HAUS6: variants seen among roughly 807,000 people sequenced by gnomAD.
The protein encoded by HAUS6 is HAUS augmin like complex subunit 6.
A neutral mutation model predicts 106.8 loss-of-function variants in HAUS6; 80 were observed. The observed-to-expected ratio is 0.75, with a 90% CI of 0.63 to 0.90. HAUS6 has a LOEUF of 0.90. Among genes scored for constraint, HAUS6 ranks in the 40% least tolerant of loss-of-function variants. HAUS6 has a pLI of 0.00. For missense variants in HAUS6, 1,155 were observed against 1,118.1 expected (o/e 1.03, Z -0.47); for synonymous variants, 356 against 379.1 (o/e 0.94, Z 0.71).
intron 1 of HAUS6, among the ~76,000 whole-genome samples, chr9:19,100,523 C>T (rs1031949609): frequency 6.6e-6 from 1 of 152,244 alleles, no homozygotes; most frequent in South Asian, 2.1e-4. Context: ...AAACCATAGG[C>T]TCCTTAAAAA....
intron 12 of HAUS6, among the ~76,000 whole-genome samples, chr9:19,065,784 T>C (rs901839974): frequency 1.3e-5 from 2 of 152,000 alleles, no homozygotes; most frequent in Non-Finnish European, 2.9e-5. Flanking sequence ...GCAGTTGCAG[T>C]GAGCCGAGAT....
intron 5 of HAUS6, among the ~76,000 whole-genome samples, chr9:19,088,222 T>C (rs1181888255): frequency 2.0e-5 from 3 of 147,776 alleles, no homozygotes; most frequent in Non-Finnish European, 4.5e-5. Context: ...CGAGACCAGC[T>C]TGGCCAACAT....
rs1362664461 is a variant in HAUS6, at chr9:19,055,603, T to G, written c.*740A>C. The G allele has an allele frequency of 6.6e-6, 1 of 152,246 alleles. No individual in the cohort carries two copies. The highest frequency in any genetic ancestry group is 2.4e-5 in the African/African-American group (1 of 41,470). 9.4% of individuals were successfully genotyped at this position (152,246 alleles called of 1,614,324 possible). On this transcript the variant is annotated 3_prime_UTR_variant, in exon 17 of 17. Coordinates refer to ENST00000380502, the MANE Select transcript of HAUS6 (RefSeq NM_017645.5). ...AGCATTAAATTATCAAAGTCTAAATTAGACTAAATATAAATGTTATACAAC... is the reference window on the plus strand; with the variant it reads ...AGCATTAAATTATCAAAGTCTAAATGAGACTAAATATAAATGTTATACAAC...
At chr9:19,072,970 C>G (rs554597418) in intron 11 of HAUS6, among the ~76,000 whole-genome samples, 9 of 151,678 alleles carry the variant, frequency 5.9e-5, no homozygotes, top group Admixed American at 1.3e-4. Context: ...TAACAAAGAA[C>G]CTTTTGGAAG....
intron 5 of HAUS6, among the ~76,000 whole-genome samples, chr9:19,087,948 T>C (rs1429243640): frequency 6.6e-6 from 1 of 150,864 alleles, no homozygotes; most frequent in East Asian, 2.0e-4. Context: ...TTCTGTAATA[T>C]CAATGCCTAA....
intron 7 of HAUS6, among the ~76,000 whole-genome samples, chr9:19,084,516 A>G (rs760652101): frequency 8.5e-5 from 13 of 152,244 alleles, no homozygotes; most frequent in Non-Finnish European, 1.8e-4. Flanking sequence ...TATGTTATGC[A>G]TTAACAGAAT....
chr9:19,063,522 G>C lies in HAUS6; in HGVS notation c.1435C>G (p.Leu479Val). The C allele has an allele frequency of 6.5e-7, 1 of 1,548,104 alleles. No homozygotes were observed. Among genetic ancestry groups the C allele is most frequent in the Non-Finnish European group, 8.9e-7 (1 of 1,120,722 alleles). The change falls in exon 13 of 17, where the codon CTT becomes GTT. Residue 479 changes from leucine (L) to valine (V), a missense_variant. Physicochemically the swap from Leu to Val is conservative, Grantham distance 32 (BLOSUM62 1). Around this residue, in one of 3 missense-constraint regions of HAUS6, gnomAD observed 761 missense variants for 690.0 expected, o/e 1.10. Transcript: ENST00000380502. ...CTTATTTTAAAATATACCTTTTCAA[G>C]TACTGTAACACTGTTTCTATCTGAT... is the stretch of plus-strand genomic sequence containing the variant. ...SSSDRNSVTV[L>V]EKDTKMGTPK... is the part of the protein sequence containing the mutation.
chr9:19,102,679 G>A lies in HAUS6; in HGVS notation c.-28C>T. On this transcript the variant is annotated 5_prime_UTR_variant, in exon 1 of 17. Coordinates refer to ENST00000380502, the MANE Select transcript of HAUS6 (RefSeq NM_017645.5). ...TCGCGGTAGGCACGGTGGCTGCAAA[G>A]AAAGAAAGCGCAAGCCCAGGGGACT... 1 of 1,604,258 alleles carries A rather than the reference G, an allele frequency of 6.2e-7. No homozygotes were observed. The highest frequency in any genetic ancestry group is 1.7e-5 in the Admixed American group (1 of 58,996).
chr9:19,063,105 T>C lies in HAUS6; in HGVS notation c.1532A>G (p.Asp511Gly), dbSNP rs1385619384. ...ACTACTCTCTGTATTCTTTGCAACA[T>C]CTGATAATGGAGAATTTTCCACTTC... ...EFEVENSPLS[D>G]VAKNTESSAF... Residue 511 changes from aspartate to glycine, a missense_variant, in exon 14 of 17, where the codon GAT (aspartate) becomes GGT (glycine). By Grantham distance (94) the Asp-to-Gly change is moderately conservative. Around this residue, in one of 3 missense-constraint regions of HAUS6, gnomAD observed 761 missense variants for 690.0 expected, o/e 1.10. Coordinates refer to ENST00000380502, the MANE Select transcript of HAUS6 (RefSeq NM_017645.5). 9 of 1,605,288 alleles carry C rather than the reference T, an allele frequency of 5.6e-6. No homozygotes were observed. Among genetic ancestry groups the C allele is most frequent in the Middle Eastern group, 1.8e-4 (1 of 5,560 alleles).
At chr9:19,092,670 T>C (rs1817778624) in intron 4 of HAUS6, among the ~76,000 whole-genome samples, 1 of 127,150 alleles carries the variant, frequency 7.9e-6, no homozygotes, top group African/African-American at 2.9e-5. Flanking sequence ...ATACCTGTAA[T>C]CCCAACACTT....
At chr9:19,066,394 G>C (rs1203910764) in intron 12 of HAUS6, among the ~76,000 whole-genome samples, 1 of 152,076 alleles carries the variant, frequency 6.6e-6, no homozygotes, top group Non-Finnish European at 1.5e-5. Context: ...AATAAAAATA[G>C]AAACTATAAA....
chr9:19,067,556 G>A (rs1369239561), intron 12 of HAUS6, among the ~76,000 whole-genome samples: 1 of 152,134 alleles, frequency 6.6e-6, no homozygotes, highest in Non-Finnish European at 1.5e-5. Flanking sequence ...GACAGATGTG[G>A]AAATCAAAGT....
At chr9:19,100,918 T>C (rs1270262306) in intron 1 of HAUS6, among the ~76,000 whole-genome samples, 1 of 152,104 alleles carries the variant, frequency 6.6e-6, no homozygotes, top group South Asian at 2.1e-4. Flanking sequence ...GAATGGTGGT[T>C]AACACAGTCT....
At chr9:19,068,038 T>A (rs990121993) in intron 12 of HAUS6, among the ~76,000 whole-genome samples, 8 of 151,762 alleles carry the variant, frequency 5.3e-5, no homozygotes, top group Non-Finnish European at 1.2e-4. Context: ...GGTTCATGAA[T>A]AAAATCTGCT....
Position 19,068,596 on chromosome 9 carries a change from G to A in HAUS6, c.1376+1623C>T, listed in dbSNP as rs1284364016. On this transcript the variant is annotated intron_variant, in intron 12 of 16. Transcript: ENST00000380502. ...ACTAAGATGGCATAGAATGATGAGT[G>A]CTTCATTTAAAATTTAGGATTTTCC... is the stretch of plus-strand genomic sequence containing the variant. 2.6e-5 allele frequency among the ~76,000 whole-genome samples: 4 copies of A among 152,010 alleles called. No homozygotes were observed. In the East Asian group the frequency reaches 7.7e-4, roughly 29 times the overall value.
rs1427260349 is a variant in HAUS6 at position 19,078,309 on chromosome 9, T to C, written c.1065-7A>G. The C allele has an allele frequency of 2.1e-6, 3 of 1,408,436 alleles. No individual in the cohort carries two copies. The highest frequency in any genetic ancestry group is 3.0e-6 in the Non-Finnish European group (3 of 1,012,662). The allele number at this position is 1,408,436 out of a possible 1,614,324, so 87.2% of individuals were successfully genotyped here. A position where few individuals can be genotyped will look rare whatever the true frequency, so the allele number is the denominator to read the frequency against. The stretch of plus-strand genomic sequence containing the variant: ...ATCATCTTTTATTCTATACCTATAA[T>C]AGCATAAAAAAACTTTATTCAAAAG... On this transcript the variant is annotated splice_polypyrimidine_tract_variant and splice_region_variant and intron_variant, in intron 9 of 16. Coordinates refer to ENST00000380502, the MANE Select transcript of HAUS6 (RefSeq NM_017645.5).
Position 19,056,245 on chromosome 9 carries a change from G to A in HAUS6, c.*98C>T. The A allele has an allele frequency of 1.4e-6, 1 of 699,250 alleles. No individual in the cohort carries two copies. The highest frequency in any genetic ancestry group is 2.6e-6 in the Non-Finnish European group (1 of 389,702). 43.3% of individuals were successfully genotyped at this position (699,250 alleles called of 1,614,324 possible). A position where few individuals can be genotyped will look rare whatever the true frequency, so the allele number is the denominator to read the frequency against. On this transcript the variant is annotated 3_prime_UTR_variant, in exon 17 of 17. Transcript: ENST00000380502. ...ATTTTTTTAAACCTTGAAAAACAGT[G>A]TTACACTTCCAACATGTATTTAAGT...
intron 12 of HAUS6, among the ~76,000 whole-genome samples, chr9:19,067,399 T>C (rs1836785278): frequency 6.6e-6 from 1 of 152,212 alleles, no homozygotes; most frequent in Non-Finnish European, 1.5e-5. Flanking sequence ...CCTTCTGTTT[T>C]ATTCTGATAT....
intron 6 of HAUS6, 117 bp downstream of exon 6, chr9:19,086,974 C>G (rs559997524): frequency 1.5e-6 from 1 of 652,382 alleles, no homozygotes; most frequent in East Asian, 2.7e-5. Flanking sequence ...ATCCTATCAT[C>G]ATCTGGCTAT....
Sources: gnomAD v4.1 joint callset for allele counts (sites outside exome capture counted in the v4.1 genomes callset) on GRCh38, gnomAD v4.1.1 for gene constraint, gnomAD v4.1.1 regional missense constraint, MANE v1.5 for transcripts, NCBI Gene and HGNC (gene_info 2026-07-23, HGNC 2026-07-21) for gene names.